The following INTS10 variants were observed in gnomAD, a reference collection of about 807,000 sequenced individuals.
The protein encoded by INTS10 is chromosome 8 open reading frame 35.
A neutral mutation model predicts 94.4 loss-of-function variants in INTS10; 44 were observed. The ratio of observed to expected loss-of-function variants is 0.47; its 90% CI spans 0.37 to 0.60. INTS10 has a LOEUF of 0.60. Ranked by LOEUF, INTS10 falls within the 20% of genes least tolerant of loss-of-function variation. The pLI is 0.00. For missense variants in INTS10, 797 were observed against 868.7 expected (o/e 0.92, Z 1.04); for synonymous variants, 341 against 320.7 (o/e 1.06, Z -0.68).
chr8:19,845,575 CAGAG>C, intron 15 of INTS10, 125 bp from the exon 16 acceptor site: 2 of 665,968 alleles, frequency 3.0e-6, no homozygotes, highest in East Asian at 2.7e-5. Flanking sequence ...ATTTCCTTAT[CAGAG>C]AGAACTGGCA....
intron 2 of INTS10, chr8:19,818,579 T>A: frequency 1.9e-6 from 1 of 537,532 alleles, no homozygotes; most frequent in Non-Finnish European, 3.3e-6. Flanking sequence ...TCATAATTTA[T>A]TCTAGAAATA....
chr8:19,823,628 C>G (rs982796039), intron 6 of INTS10, among the ~76,000 whole-genome samples, 187 bp downstream of exon 6: 3 of 152,126 alleles, frequency 2.0e-5, no homozygotes, highest in Non-Finnish European at 4.4e-5. Context: ...ACCCCTTGAT[C>G]AAAACAGTCT....
Position 19,823,229 on chromosome 8 carries a change from A to G in INTS10, c.524-72A>G. Reference sequence around the variant, plus strand: ...GATACTACATCAAATGAACTCTGAAAGCTTTTGTATTTATCGGAACTCTAG... The same window carrying G: ...GATACTACATCAAATGAACTCTGAAGGCTTTTGTATTTATCGGAACTCTAG... On this transcript the variant is annotated intron_variant, in intron 5 of 16. Transcript: ENST00000397977. 6 of 1,200,036 alleles carry G rather than the reference A, an allele frequency of 5.0e-6. 1 individual carries two copies. The highest frequency in any genetic ancestry group is 7.2e-6 in the Non-Finnish European group (6 of 833,252). 74.3% of individuals were successfully genotyped at this position (1,200,036 alleles called of 1,614,324 possible).
rs1310429848 is a variant in INTS10, at chr8:19,843,989, A to G, written c.1720-87A>G. The G allele has an allele frequency of 2.1e-5, 22 of 1,046,050 alleles. No homozygotes were observed. The East Asian group carries it at 4.1e-4, about 19-fold the overall frequency. 64.8% of individuals were successfully genotyped at this position (1,046,050 alleles called of 1,614,324 possible). A position where few individuals can be genotyped will look rare whatever the true frequency, so the allele number is the denominator to read the frequency against. ...TTTATCACACATTTGCATATACAGC[A>G]TATTTTTGGAAAGTGATGTTTGCTG... On this transcript the variant is annotated intron_variant, in intron 14 of 16. Transcript: ENST00000397977. The surrounding 1 kb of genome is among the most constrained non-coding windows in gnomAD (Gnocchi z 4.7).
chr8:19,840,721 G>A (rs2068064150), intron 13 of INTS10, among the ~76,000 whole-genome samples: 1 of 151,798 alleles, frequency 6.6e-6, no homozygotes, highest in South Asian at 2.1e-4. Context: ...CGTTGTATAT[G>A]TTTGAAGTTT....
In INTS10 at chr8:19,844,232, G is replaced by A. The variant is rs774936753; in HGVS notation, c.1876G>A (p.Val626Ile). 8.1e-6 allele frequency: 13 copies of A among 1,602,290 alleles called. No homozygotes were observed. In the East Asian group the frequency reaches 1.1e-4, roughly 14 times the overall value. The change falls in exon 15 of 17, where the codon GTT becomes ATT. Residue 626 changes from valine (V) to isoleucine (I), a missense_variant. By Grantham distance (29) the Val-to-Ile change is conservative (BLOSUM62 3). Around this residue, in one of 3 missense-constraint regions of INTS10, gnomAD observed 734 missense variants for 787.8 expected, o/e 0.93. Transcript: ENST00000397977. The stretch of plus-strand genomic sequence containing the variant: ...CCAATATGAGAATTTTTTCAATTAC[G>A]TTACAAGTATCCTTTTTTCTTGTTT... ...NFQYENFFNY[V>I]TNIDMLEEFA...
chr8:19,822,565 T>C, intron 5 of INTS10, 45 bp downstream of exon 5: 1 of 1,213,552 alleles, frequency 8.2e-7, no homozygotes, highest in Non-Finnish European at 1.2e-6. Context: ...TAAATTAATA[T>C]GCTGGGGTAA....
rs537471190 is a variant in INTS10 at position 19,849,588 on chromosome 8, C to T, written c.1977-2061C>T. On this transcript the variant is annotated intron_variant, in intron 16 of 16. Transcript: ENST00000397977. The surrounding 1 kb of genome is among the most constrained non-coding windows in gnomAD (Gnocchi z 4.6). ...GGTCATATATATTTAAGGATGCTGA[C>T]GTTTATTTTAAGTACATTTTTATTT... Among the ~76,000 whole-genome samples, 29 of 152,150 alleles carry T rather than the reference C, an allele frequency of 1.9e-4. No individual in the cohort carries two copies. Among genetic ancestry groups the T allele is most frequent in the African/African-American group, 6.0e-4 (25 of 41,504 alleles).
intron 4 of INTS10, 30 bp from the exon 5 acceptor site, chr8:19,822,409 A>G: frequency 7.2e-7 from 1 of 1,390,990 alleles, no homozygotes; most frequent in African/African-American, 1.4e-5. Context: ...GCTGTAACAC[A>G]TTTAAATGAG....
chr8:19,822,192 T>G (rs2066431501), intron 4 of INTS10: 1 of 284,926 alleles, frequency 3.5e-6, no homozygotes, highest in African/African-American at 2.2e-5. Flanking sequence ...TCATCGTTAA[T>G]TAGAATTTGC....
chr8:19,844,410 G>C (rs954365989), intron 15 of INTS10, among the ~76,000 whole-genome samples, 172 bp downstream of exon 15: 1 of 152,182 alleles, frequency 6.6e-6, no homozygotes, highest in African/African-American at 2.4e-5. Flanking sequence ...TCTGAAAGTC[G>C]TGAAAGACAT....
rs1469345309 is a variant in INTS10, at chr8:19,824,791, C to T, written c.837-12C>T. The stretch of plus-strand genomic sequence containing the variant: ...AGTAATCAAATAAGTTTCATCATTC[C>T]TTCCTTTTTAGAAGCTATGGAGATA... On this transcript the variant is annotated splice_polypyrimidine_tract_variant and intron_variant, in intron 7 of 16. Transcript: ENST00000397977. 2 of 1,590,474 alleles carry T rather than the reference C, an allele frequency of 1.3e-6. No homozygotes were observed. The highest frequency in any genetic ancestry group is 8.6e-7 in the Non-Finnish European group (1 of 1,165,296).
chr8:19,828,218 TAAAA>T (rs2066953348), intron 9 of INTS10, among the ~76,000 whole-genome samples: 1 of 152,042 alleles, frequency 6.6e-6, no homozygotes, highest in African/African-American at 2.4e-5. Context: ...CTATAAAAAA[TAAAA>T]AAATAAAATA....
Position 19,842,843 on chromosome 8 carries a change from G to C in INTS10, c.1640-5G>C. On this transcript the variant is annotated splice_polypyrimidine_tract_variant and splice_region_variant and intron_variant, in intron 13 of 16. Transcript: ENST00000397977. Reference sequence around the variant, plus strand: ...CATTAACCTAACATTGTGGACTTCTGTTAGGTTCGGATCTGAAGCTCCTGC... The same window carrying C: ...CATTAACCTAACATTGTGGACTTCTCTTAGGTTCGGATCTGAAGCTCCTGC... 1 of 1,605,244 alleles carries C rather than the reference G, an allele frequency of 6.2e-7. No individual in the cohort carries two copies. Among genetic ancestry groups the C allele is most frequent in the East Asian group, 2.2e-5 (1 of 44,812 alleles).
chr8:19,818,322 C>CG lies in INTS10; in HGVS notation c.180dup (p.Arg61GlufsTer44), dbSNP rs2066102961. ...GGAATGCAGAGCGGACCGCCACCGC[C>CG]GGGAGGCTGCTGTACGACATGTGAG... On this transcript the variant is annotated frameshift_variant, in exon 2 of 17. Transcript: ENST00000397977. LOFTEE classifies it high-confidence loss of function. The CG allele has an allele frequency of 2.5e-6, 4 of 1,614,148 alleles. No individual in the cohort carries two copies. The highest frequency in any genetic ancestry group is 3.4e-6 in the Non-Finnish European group (4 of 1,180,016).
At chr8:19,844,562 T>C (rs995420425) in intron 15 of INTS10, among the ~76,000 whole-genome samples, 2 of 152,180 alleles carry the variant, frequency 1.3e-5, no homozygotes, top group East Asian at 3.9e-4. Flanking sequence ...AGGAATATAA[T>C]ACTAATAGTT....
chr8:19,850,093 C>G (rs1025130901), intron 16 of INTS10, among the ~76,000 whole-genome samples: 1 of 142,496 alleles, frequency 7.0e-6, no homozygotes, highest in Non-Finnish European at 1.5e-5. Flanking sequence ...CACTGCACTT[C>G]AGCCTGGGTG....
chr8:19,834,925 T>C (rs1040898480), intron 12 of INTS10, among the ~76,000 whole-genome samples: 2 of 152,142 alleles, frequency 1.3e-5, no homozygotes, highest in Admixed American at 6.5e-5. Flanking sequence ...AAGAGAGCAC[T>C]GTAGAGTCGC....
intron 12 of INTS10, among the ~76,000 whole-genome samples, chr8:19,834,880 T>C (rs1405647195): frequency 1.3e-5 from 2 of 152,160 alleles, no homozygotes; most frequent in Non-Finnish European, 2.9e-5. Context: ...ATTCAGTGTC[T>C]GGTGAGGTCC....
Sources: allele counts gnomAD v4.1 joint callset (sites outside exome capture counted in the v4.1 genomes callset), GRCh38; gene constraint gnomAD v4.1.1; regional missense constraint gnomAD v4.1.1; non-coding constraint Gnocchi (gnomAD v3.1); transcripts MANE v1.5; gene names NCBI Gene and HGNC (gene_info 2026-07-23, HGNC 2026-07-21).